ZEB1: variants seen among roughly 807,000 people sequenced by gnomAD.
ZEB1 encodes the protein zinc finger E-box binding homeobox 1.
In ZEB1, 21 loss-of-function variants were observed where a neutral mutation model predicts 84.9. That is an observed-to-expected ratio of 0.25 (90% CI 0.18 to 0.36). The LOEUF (loss-of-function observed/expected upper bound fraction) is 0.36. ZEB1 is among the 10% of genes least tolerant of loss of function. The pLI is 1.00. For synonymous variants in ZEB1, 420 were observed against 471.1 expected, an observed-to-expected ratio of 0.89 and a Z score of 1.41; for missense variants, 1,104 against 1,330.2, an observed-to-expected ratio of 0.83 and a Z score of 2.65.
rs906506552 is a variant in ZEB1 at position 31,454,385 on chromosome 10, C to A, written c.59-6652C>A. Among the ~76,000 whole-genome samples the A allele has an allele frequency of 3.3e-5, 5 of 152,140 alleles. No individual in the cohort carries two copies. In the South Asian group the frequency reaches 1.0e-3, roughly 32 times the overall value. On this transcript the variant is annotated intron_variant, in intron 1 of 8. Transcript: ENST00000424869. ...GATGCCCTCTCTCACCACTCCTATT[C>A]AACATAGTGTTGGAATTTCTGGCCA...
At position 31,334,806 on chromosome 10, in the gene ZEB1, T is replaced by TA. The variant is rs902626378; in HGVS notation, c.58+15523dup. Among the ~76,000 whole-genome samples, 11 of 150,576 alleles carry TA rather than the reference T, an allele frequency of 7.3e-5. No homozygotes were observed. In the East Asian group the frequency reaches 1.6e-3, roughly 21 times the overall value. On this transcript the variant is annotated intron_variant, in intron 1 of 8. Coordinates refer to ENST00000424869, the MANE Select transcript of ZEB1 (RefSeq NM_001174096.2). ...TTGAAAGATTAAGTGGACCAATTCCTAAAAAAAAATGTAGCTCATGCTGGC... is the reference window on the plus strand; with the variant it reads ...TTGAAAGATTAAGTGGACCAATTCCTAAAAAAAAAATGTAGCTCATGCTGGC...
intron 4 of ZEB1, among the ~76,000 whole-genome samples, chr10:31,504,776 A>G (rs1321138446): frequency 6.6e-6 from 1 of 152,014 alleles, no homozygotes; most frequent in African/African-American, 2.4e-5. Context: ...GTGTACAGAA[A>G]CACTGCTGAT....
intron 1 of ZEB1, among the ~76,000 whole-genome samples, chr10:31,333,801 T>C (rs2037347419): frequency 6.6e-6 from 1 of 152,096 alleles, no homozygotes; most frequent in South Asian, 2.1e-4. Context: ...AATATATTTA[T>C]ATGCTGTTTA....
At chr10:31,503,340 A>C (rs1223846385) in intron 4 of ZEB1, among the ~76,000 whole-genome samples, 1 of 152,134 alleles carries the variant, frequency 6.6e-6, no homozygotes, top group Non-Finnish European at 1.5e-5. Context: ...CAGATATTTA[A>C]TGTAATTTAA....
chr10:31,493,648 A>G (rs568297121), intron 2 of ZEB1, among the ~76,000 whole-genome samples: 34 of 152,124 alleles, frequency 2.2e-4, no homozygotes, highest in African/African-American at 8.2e-4. Context: ...CTGTTTGCAG[A>G]CACACTCATG....
intron 1 of ZEB1, among the ~76,000 whole-genome samples, chr10:31,383,100 A>G (rs138469722): frequency 6.6e-6 from 1 of 151,958 alleles, no homozygotes; most frequent in East Asian, 1.9e-4. Flanking sequence ...ACATATATAT[A>G]TATATAAAAT....
intron 1 of ZEB1, among the ~76,000 whole-genome samples, chr10:31,413,833 G>A (rs1384308562): frequency 2.6e-5 from 4 of 152,052 alleles, no homozygotes; most frequent in Non-Finnish European, 4.4e-5. Context: ...ATTTCATAGC[G>A]ATTAACTTGA....
Position 31,521,237 on chromosome 10 carries a change from T to A in ZEB1, c.1905T>A (p.Ala635=), listed in dbSNP as rs1464059499. 5 of 1,614,004 alleles carry A rather than the reference T, an allele frequency of 3.1e-6. No homozygotes were observed. The highest frequency in any genetic ancestry group is 4.2e-6 in the Non-Finnish European group (5 of 1,180,030). ...AAAAGTGGTTTGAAAAGATGCAAGC[T>A]GGACAGATTTCAGTGCAGTCTTCTG... is the stretch of plus-strand genomic sequence containing the variant. ...VVKKWFEKMQ[A]GQISVQSSEP... is the part of the protein sequence containing the mutation. The change falls in exon 7 of 9, where the codon GCT becomes GCA. Residue 635 remains alanine (A), a synonymous_variant. Coordinates refer to ENST00000424869, the MANE Select transcript of ZEB1 (RefSeq NM_001174096.2).
intron 1 of ZEB1, among the ~76,000 whole-genome samples, chr10:31,353,538 C>T (rs2041646181): frequency 6.6e-6 from 1 of 152,148 alleles, no homozygotes; most frequent in South Asian, 2.1e-4. Context: ...TACAGCTTTC[C>T]TAAGCCATCT....
At chr10:31,427,667 C>T (rs1437321737) in intron 1 of ZEB1, among the ~76,000 whole-genome samples, 1 of 152,128 alleles carries the variant, frequency 6.6e-6, no homozygotes, top group Non-Finnish European at 1.5e-5. Flanking sequence ...TCCTGGCTAA[C>T]ATGGTGAAAC....
At chr10:31,440,796 C>G (rs2058850580) in intron 1 of ZEB1, among the ~76,000 whole-genome samples, 1 of 152,154 alleles carries the variant, frequency 6.6e-6, no homozygotes, top group South Asian at 2.1e-4. Context: ...TGAGTGAACC[C>G]CCATTCACAA....
intron 1 of ZEB1, among the ~76,000 whole-genome samples, chr10:31,384,560 T>C (rs551661099): frequency 6.6e-6 from 1 of 152,180 alleles, no homozygotes; most frequent in Non-Finnish European, 1.5e-5. Context: ...CACTACAGAT[T>C]GCGTGAGAAA....
chr10:31,505,967 A>G (rs2068907994), intron 4 of ZEB1, among the ~76,000 whole-genome samples: 1 of 151,914 alleles, frequency 6.6e-6, no homozygotes, highest in Admixed American at 6.5e-5. Flanking sequence ...AAGAAATTTT[A>G]ATTTTAATTT....
At chr10:31,393,385 G>A (rs1011160285) in intron 1 of ZEB1, among the ~76,000 whole-genome samples, 1 of 152,098 alleles carries the variant, frequency 6.6e-6, no homozygotes, top group African/African-American at 2.4e-5. Flanking sequence ...TAGGCCACCT[G>A]TGTTATTTTC....
chr10:31,404,905 A>G (rs2052696512), intron 1 of ZEB1, among the ~76,000 whole-genome samples: 1 of 152,116 alleles, frequency 6.6e-6, no homozygotes, highest in South Asian at 2.1e-4. Context: ...CAGGGAGAAA[A>G]AGAGCAGGCT....
intron 1 of ZEB1, among the ~76,000 whole-genome samples, chr10:31,436,555 T>A (rs1260034454): frequency 6.6e-6 from 1 of 152,170 alleles, no homozygotes; most frequent in East Asian, 1.9e-4. Flanking sequence ...TGGCAAGTTA[T>A]GTAATCTAAG....
At chr10:31,460,570 T>TA (rs2061695897) in intron 1 of ZEB1, among the ~76,000 whole-genome samples, 1 of 152,094 alleles carries the variant, frequency 6.6e-6, no homozygotes. Flanking sequence ...GTAGGCTCGT[T>TA]ATCATTGGAG....
chr10:31,363,870 C>T, intron 1 of ZEB1: 2 of 1,315,792 alleles, frequency 1.5e-6, no homozygotes, highest in South Asian at 1.5e-5. Context: ...CAAGATGTCG[C>T]TGACGGTTGA....
At chr10:31,483,512 T>G (rs529670045) in intron 2 of ZEB1, among the ~76,000 whole-genome samples, 1 of 152,158 alleles carries the variant, frequency 6.6e-6, no homozygotes, top group African/African-American at 2.4e-5. Flanking sequence ...ATTCTGTCAG[T>G]ATCAATGCCC....
Sources: gnomAD v4.1 joint callset for allele counts (sites outside exome capture counted in the v4.1 genomes callset) on GRCh38, gnomAD v4.1.1 for gene constraint, MANE v1.5 for transcripts, NCBI Gene and HGNC (gene_info 2026-07-23, HGNC 2026-07-21) for gene names.